TANK: variants seen among roughly 807,000 people sequenced by gnomAD.
TANK encodes the protein TRAF family member associated NFKB activator.
TANK carries 15 observed loss-of-function variants against 43.6 expected under a neutral mutation model. The observed-to-expected ratio is 0.34, with a 90% CI of 0.23 to 0.53. The LOEUF (loss-of-function observed/expected upper bound fraction) is 0.53. Among genes scored for constraint, TANK ranks in the 20% least tolerant of loss-of-function variants. The probability of loss-of-function intolerance (pLI) is 0.94; values close to 1 mark genes in which losing one functional copy is unlikely to be tolerated. For missense variants in TANK, 417 were observed against 498.6 expected, an observed-to-expected ratio of 0.84 and a Z score of 1.56; for synonymous variants, 162 against 178.2, an observed-to-expected ratio of 0.91 and a Z score of 0.73.
At chr2:161,155,421 T>G (rs1684197936) in intron 1 of TANK, among the ~76,000 whole-genome samples, 1 of 152,220 alleles carries the variant, frequency 6.6e-6, no homozygotes, top group Non-Finnish European at 1.5e-5. Context: ...ATTTCACCTT[T>G]CTTGAGTTTT....
intron 1 of TANK, among the ~76,000 whole-genome samples, chr2:161,173,675 T>C (rs1685053874): frequency 6.6e-6 from 1 of 152,106 alleles, no homozygotes; most frequent in Non-Finnish European, 1.5e-5. Flanking sequence ...TTTTGGCTAA[T>C]TATTTTCATG....
chr2:161,219,629 T>A, intron 4 of TANK: 1 of 363,474 alleles, frequency 2.8e-6, no homozygotes, highest in Non-Finnish European at 5.4e-6. Context: ...ATGTTTATTC[T>A]TATCAAATAT....
intron 2 of TANK, chr2:161,200,448 T>G: frequency 1.0e-6 from 1 of 966,522 alleles, no homozygotes; most frequent in Non-Finnish European, 1.2e-6. Context: ...ACTTTCCAAA[T>G]AGCAAATAAA....
chr2:161,225,710 CTG>C (rs528631254), intron 6 of TANK, among the ~76,000 whole-genome samples: 19 of 152,304 alleles, frequency 1.2e-4, no homozygotes, highest in African/African-American at 4.3e-4. Flanking sequence ...AGTTTTCACT[CTG>C]AGAGATGTTG....
chr2:161,157,344 G>A (rs145743609), upstream of TANK, among the ~76,000 whole-genome samples: 616 of 152,302 alleles, frequency 4.0e-3, 1 homozygote, highest in Non-Finnish European at 6.8e-3. Context: ...AGAAGACACA[G>A]GCTGAAGGAG....
chr2:161,173,476 A>G (rs962864523), intron 1 of TANK, among the ~76,000 whole-genome samples: 22 of 151,974 alleles, frequency 1.4e-4, no homozygotes, highest in Admixed American at 9.8e-4. Flanking sequence ...TGTTCCTTCT[A>G]TTGAGCCTTT....
chr2:161,168,791 C>T (rs1684812419), intron 1 of TANK, among the ~76,000 whole-genome samples: 1 of 152,200 alleles, frequency 6.6e-6, no homozygotes, highest in East Asian at 1.9e-4. Flanking sequence ...TGAGATCACA[C>T]CATTGCACTC....
At chr2:161,161,218 G>T in intron 1 of TANK, 2 of 1,533,418 alleles carry the variant, frequency 1.3e-6, no homozygotes, top group Non-Finnish European at 1.8e-6. Context: ...TGCCTTTATT[G>T]TTATGCTATA....
intron 1 of TANK, chr2:161,139,983 T>A: frequency 1.8e-5 from 16 of 909,472 alleles, no homozygotes; most frequent in Non-Finnish European, 2.1e-5. Context: ...TGAAATTTGC[T>A]AAGAATTTTT....
At chr2:161,200,973 A>G (rs146830858) in intron 2 of TANK, 56 of 334,612 alleles carry the variant, frequency 1.7e-4, no homozygotes, top group African/African-American at 1.1e-3. Flanking sequence ...GCACTCTGTA[A>G]TACTCTGGAG....
chr2:161,223,796 C>A, intron 4 of TANK, 119 bp from the exon 5 acceptor site: 1 of 618,292 alleles, frequency 1.6e-6, no homozygotes, highest in Non-Finnish European at 2.9e-6. Flanking sequence ...TAAGCTGTCT[C>A]AAGTTATTTT....
intron 1 of TANK, among the ~76,000 whole-genome samples, chr2:161,154,864 C>G (rs779911509): frequency 6.6e-5 from 10 of 151,836 alleles, no homozygotes; most frequent in Non-Finnish European, 1.5e-4. Flanking sequence ...TGTGCCTCAG[C>G]TTCCTGAGTA....
intron 2 of TANK, among the ~76,000 whole-genome samples, chr2:161,203,151 G>A (rs578051516): frequency 1.1e-4 from 17 of 151,262 alleles, no homozygotes; most frequent in Non-Finnish European, 1.8e-4. Context: ...AGCATCTGTT[G>A]TATCATTTGT....
At chr2:161,193,829 T>C (rs1194853108) in intron 2 of TANK, among the ~76,000 whole-genome samples, 1 of 152,182 alleles carries the variant, frequency 6.6e-6, no homozygotes, top group Non-Finnish European at 1.5e-5. Context: ...CATCTAGTAG[T>C]GAAGAAGGCT....
At chr2:161,138,877 A>AT (rs1683662790) in intron 1 of TANK, among the ~76,000 whole-genome samples, 1 of 152,242 alleles carries the variant, frequency 6.6e-6, no homozygotes, top group Non-Finnish European at 1.5e-5. Context: ...CTGCCTGAAT[A>AT]TTCTATTAAT....
In TANK at chr2:161,235,513, A is replaced by G; in HGVS notation, c.1273A>G (p.Thr425Ala). The change falls in exon 8 of 8, where the codon ACT (threonine) becomes GCT (alanine). Residue 425 changes from threonine (T) to alanine (A), a missense_variant. Physicochemically the swap from Thr to Ala is moderately conservative, Grantham distance 58. Coordinates refer to ENST00000392749, the MANE Select transcript of TANK (RefSeq NM_001199135.3). Reference sequence around the variant, plus strand: ...TCTTAATTCACACTTCAATGGAGAGACTTAAGACACATTTGAAAACAGACA... The same window carrying G: ...TCTTAATTCACACTTCAATGGAGAGGCTTAAGACACATTTGAAAACAGACA... ...RHLNSHFNGE[T>A] The G allele has an allele frequency of 6.2e-7, 1 of 1,610,148 alleles. No individual in the cohort carries two copies. The highest frequency in any genetic ancestry group is 8.5e-7 in the Non-Finnish European group (1 of 1,178,362).
intron 2 of TANK, among the ~76,000 whole-genome samples, chr2:161,191,063 C>T (rs1021217982): frequency 5.9e-5 from 9 of 152,186 alleles, no homozygotes; most frequent in Non-Finnish European, 1.2e-4. Flanking sequence ...ACTTAGCTGT[C>T]TATACTCCAC....
chr2:161,232,952 A>G, intron 7 of TANK: 2 of 1,201,622 alleles, frequency 1.7e-6, no homozygotes, highest in South Asian at 3.3e-5. Flanking sequence ...TGTTTTGAAG[A>G]CCATGTTACA....
chr2:161,219,706 A>G, intron 4 of TANK: 1 of 438,468 alleles, frequency 2.3e-6, no homozygotes, highest in South Asian at 1.7e-5. Flanking sequence ...CCCTTTTTTC[A>G]CTTTCTCCCT....
Sources: allele counts gnomAD v4.1 joint callset (sites outside exome capture counted in the v4.1 genomes callset), GRCh38; gene constraint gnomAD v4.1.1; transcripts MANE v1.5; gene names NCBI Gene and HGNC (gene_info 2026-07-23, HGNC 2026-07-21).